KIAA1549L: variants seen among roughly 807,000 people sequenced by gnomAD.
KIAA1549L encodes UPF0606 protein KIAA1549L.
Under a neutral mutation model 160.7 loss-of-function variants are expected in KIAA1549L, and 88 were observed. The observed-to-expected ratio is 0.55, with a 90% CI of 0.46 to 0.65. The LOEUF (loss-of-function observed/expected upper bound fraction) is 0.65. Ranked by LOEUF, KIAA1549L falls within the 30% of genes least tolerant of loss-of-function variation. The pLI, the probability that KIAA1549L is intolerant of heterozygous loss-of-function variation, is 0.00. For synonymous variants in KIAA1549L, 950 were observed against 976.7 expected (o/e 0.97, Z 0.51); for missense variants, 2,258 against 2,437.5 (o/e 0.93, Z 1.55).
chr11:33,589,169 A>G (rs1332559307), intron 11 of KIAA1549L, among the ~76,000 whole-genome samples: 1 of 152,252 alleles, frequency 6.6e-6, no homozygotes, highest in Non-Finnish European at 1.5e-5. Flanking sequence ...AATGCTCATC[A>G]TCACTGGCCA....
rs1354339307 is a variant in KIAA1549L at position 33,669,587 on chromosome 11, G to GTATCCATTTTCTT, written c.*1434_*1446dup. The GTATCCATTTTCTT allele has an allele frequency of 6.6e-6, 1 of 152,254 alleles. No homozygotes were observed. The highest frequency in any genetic ancestry group is 1.5e-5 in the Non-Finnish European group (1 of 68,062). 9.4% of individuals were successfully genotyped at this position (152,254 alleles called of 1,614,324 possible). A position where few individuals can be genotyped will look rare whatever the true frequency, so the allele number is the denominator to read the frequency against. ...ACCCATGACCCATCTAGCTTCAGCT[G>GTATCCATTTTCTT]TATCCATTTTCTTCTGAGCCCATCT... is the stretch of plus-strand genomic sequence containing the variant. On this transcript the variant is annotated 3_prime_UTR_variant, in exon 21 of 21. Coordinates refer to ENST00000658780, the MANE Select transcript of KIAA1549L (RefSeq NM_012194.3).
chr11:33,424,407 A>G (rs1851077643), intron 1 of KIAA1549L, among the ~76,000 whole-genome samples: 1 of 152,218 alleles, frequency 6.6e-6, no homozygotes, highest in South Asian at 2.1e-4. Flanking sequence ...AAACCATTAT[A>G]CATCCACCTT....
intron 20 of KIAA1549L, chr11:33,665,494 C>G (rs1852412628): frequency 6.6e-6 from 1 of 152,390 alleles, no homozygotes; most frequent in African/African-American, 2.4e-5. Context: ...TAGTTCCTCT[C>G]TGCTGCTGGT....
At chr11:33,379,416 C>T (rs986598227) in intron 1 of KIAA1549L, among the ~76,000 whole-genome samples, 2 of 152,184 alleles carry the variant, frequency 1.3e-5, no homozygotes, top group Non-Finnish European at 2.9e-5. Flanking sequence ...TCTCCGTCTT[C>T]CGTCTTGCTT....
chr11:33,559,822 A>G lies in KIAA1549L; in HGVS notation c.3929A>G (p.Asn1310Ser). The G allele has an allele frequency of 1.2e-6, 2 of 1,613,850 alleles. No individual in the cohort carries two copies. Among genetic ancestry groups the G allele is most frequent in the Non-Finnish European group, 1.7e-6 (2 of 1,179,840 alleles). The change falls in exon 7 of 21, where the codon AAC (asparagine) becomes AGC (serine). Residue 1310 changes from asparagine to serine, a missense_variant. Asn to Ser is a conservative substitution (Grantham distance 46). Around this residue, in one of 6 missense-constraint regions of KIAA1549L, gnomAD observed 1,359 missense variants for 1,546.6 expected, o/e 0.88. Coordinates refer to ENST00000658780, the MANE Select transcript of KIAA1549L (RefSeq NM_012194.3). ...GTGGGCAATCAGAGCACATTCCTCA[A>G]CGGCACCGTCGCCAGCAGCCTCCTC... ...YVVGNQSTFL[N>S]GTVASSLLSQ...
chr11:33,444,034 G>C (rs1274620947), intron 1 of KIAA1549L, among the ~76,000 whole-genome samples: 1 of 152,100 alleles, frequency 6.6e-6, no homozygotes, highest in African/African-American at 2.4e-5. Flanking sequence ...AGGGTTTCCA[G>C]TAAAATATTA....
Position 33,552,203 on chromosome 11 carries a change from A to T in KIAA1549L, c.3817A>T (p.Arg1273Trp). The T allele has an allele frequency of 1.2e-6, 2 of 1,608,318 alleles. No individual in the cohort carries two copies. Among genetic ancestry groups the T allele is most frequent in the Non-Finnish European group, 1.7e-6 (2 of 1,177,242 alleles). Residue 1273 changes from arginine to tryptophan, a missense_variant, in exon 6 of 21, where the codon AGG becomes TGG. Physicochemically the swap from Arg to Trp is moderately radical, Grantham distance 101. This residue lies in a region of KIAA1549L where 1,359 missense variants were observed against 1,546.6 expected (regional missense o/e 0.88). Transcript: ENST00000658780. ...GCAGAAGGCATTCCAGGATGCCGAG[A>T]GGAAAGTCCTGAATACCAAAAGCAA... ...RLQKAFQDAE[R>W]KVLNTKSNLT...
chr11:33,397,350 T>A (rs963231012), intron 1 of KIAA1549L, among the ~76,000 whole-genome samples: 7 of 121,320 alleles, frequency 5.8e-5, no homozygotes, highest in Non-Finnish European at 5.5e-5. Flanking sequence ...AAAAAAAAAA[T>A]TCAAAAATGA....
chr11:33,403,935 C>T (rs1441201209), intron 1 of KIAA1549L, among the ~76,000 whole-genome samples: 1 of 152,098 alleles, frequency 6.6e-6, no homozygotes. Flanking sequence ...TTCGGCTTTC[C>T]AAGGGGGCCA....
chr11:33,495,331 G>A (rs1183929395), intron 1 of KIAA1549L, among the ~76,000 whole-genome samples: 2 of 143,768 alleles, frequency 1.4e-5, no homozygotes, highest in African/African-American at 5.2e-5. Flanking sequence ...CTGTGTCCAT[G>A]CGTTCTCATT....
intron 1 of KIAA1549L, among the ~76,000 whole-genome samples, chr11:33,381,087 C>T (rs1259405983): frequency 6.6e-6 from 1 of 151,974 alleles, no homozygotes; most frequent in African/African-American, 2.4e-5. Context: ...CTTGACTGTG[C>T]TTACCAGTCA....
At chr11:33,571,002 C>T (rs954589250) in intron 9 of KIAA1549L, among the ~76,000 whole-genome samples, 3 of 152,056 alleles carry the variant, frequency 2.0e-5, no homozygotes, top group African/African-American at 4.8e-5. Flanking sequence ...AAATTCATCT[C>T]GACCAGGCAC....
At chr11:33,570,001 T>C (rs1412084946) in intron 9 of KIAA1549L, among the ~76,000 whole-genome samples, 2 of 55,228 alleles carry the variant, frequency 3.6e-5, no homozygotes, top group African/African-American at 5.0e-5. Flanking sequence ...TCTCTCTCTC[T>C]CTCTCTTTTT....
intron 14 of KIAA1549L, among the ~76,000 whole-genome samples, 176 bp downstream of exon 14, chr11:33,606,998 A>T (rs1321013): frequency 0.36 from 54,930 of 152,034 alleles, 12,351 homozygotes; most frequent in African/African-American, 0.64. Flanking sequence ...TCACCCAAAA[A>T]GAATTTGTTG....
intron 10 of KIAA1549L, among the ~76,000 whole-genome samples, chr11:33,581,305 G>A (rs575655004): frequency 6.6e-6 from 1 of 152,208 alleles, no homozygotes; most frequent in Admixed American, 6.5e-5. Context: ...CACTTGAATG[G>A]ATGCCTTCTC....
rs1221221707 is a variant in KIAA1549L, at chr11:33,558,059, G to A, written c.3856-1690G>A. On this transcript the variant is annotated intron_variant, in intron 6 of 20. Transcript: ENST00000658780. ...CTTGATCATTACACATTCTATGCGT[G>A]TAAGAAAATATCACATGTACTGCCT... Among the ~76,000 whole-genome samples, 3 of 152,168 alleles carry A rather than the reference G, an allele frequency of 2.0e-5. No individual in the cohort carries two copies. The East Asian group carries it at 5.8e-4, about 29-fold the overall frequency.
chr11:33,493,593 A>G (rs2756280), intron 1 of KIAA1549L, among the ~76,000 whole-genome samples: 108,330 of 152,096 alleles, frequency 0.71, 39,116 homozygotes, highest in African/African-American at 0.84. Context: ...GGAGAAAAGG[A>G]CGTGCATTTG....
At chr11:33,617,796 GA>G (rs1850854237) in intron 15 of KIAA1549L, among the ~76,000 whole-genome samples, 1 of 151,222 alleles carries the variant, frequency 6.6e-6, no homozygotes, top group Admixed American at 6.6e-5. Flanking sequence ...TCGGTGGATG[GA>G]TGGATGGATG....
chr11:33,383,778 T>C (rs914718342), intron 1 of KIAA1549L, among the ~76,000 whole-genome samples: 1 of 152,216 alleles, frequency 6.6e-6, no homozygotes, highest in African/African-American at 2.4e-5. Context: ...AGGCAGCTAC[T>C]GCTTAGTGGC....
Sources: allele counts gnomAD v4.1 joint callset (sites outside exome capture counted in the v4.1 genomes callset), GRCh38; gene constraint gnomAD v4.1.1; regional missense constraint gnomAD v4.1.1; transcripts MANE v1.5; gene names NCBI Gene and HGNC (gene_info 2026-07-23, HGNC 2026-07-21).